KDM4C: variants seen among roughly 807,000 people sequenced by gnomAD.
KDM4C encodes lysine-specific demethylase 4C.
Under a neutral mutation model 129.3 loss-of-function variants are expected in KDM4C, and 81 were observed. The observed-to-expected ratio is 0.63, with a 90% CI of 0.52 to 0.75. KDM4C has a LOEUF of 0.75. Among genes scored for constraint, KDM4C ranks in the 30% least tolerant of loss-of-function variants. The pLI is 0.00. For synonymous variants in KDM4C, 573 were observed against 456.1 expected, an observed-to-expected ratio of 1.26 and a Z score of -3.26; for missense variants, 1,457 against 1,304.0, an observed-to-expected ratio of 1.12 and a Z score of -1.81.
Position 7,105,360 on chromosome 9 carries a change from A to G in KDM4C, c.2610+1490A>G, listed in dbSNP as rs150723850. On this transcript the variant is annotated intron_variant, in intron 18 of 21. Transcript: ENST00000381309. ...CTTATTTCTGAGCCTCAGCTTCCTC[A>G]TCTATAAAACATGGTATCCCACCTC... 2.0e-3 allele frequency: 897 copies of G among 449,836 alleles called. 9 individuals are homozygous for G. Among genetic ancestry groups the G allele is most frequent in the African/African-American group, 0.017 (849 of 49,580 alleles). The allele number at this position is 449,836 out of a possible 1,614,324, so 27.9% of individuals were successfully genotyped here.
At chr9:6,801,763 A>G (rs1829029908) in intron 2 of KDM4C, among the ~76,000 whole-genome samples, 1 of 152,068 alleles carries the variant, frequency 6.6e-6, no homozygotes, top group Non-Finnish European at 1.5e-5. Context: ...AAACCCAACA[A>G]TGCAATAGTA....
chr9:6,823,319 G>T (rs745669640), intron 4 of KDM4C, among the ~76,000 whole-genome samples: 1 of 152,158 alleles, frequency 6.6e-6, no homozygotes, highest in Non-Finnish European at 1.5e-5. Flanking sequence ...CACCAAAAGG[G>T]GGTAGCTTAT....
intron 17 of KDM4C, among the ~76,000 whole-genome samples, chr9:7,064,581 C>G (rs1832157416): frequency 6.6e-6 from 1 of 152,194 alleles, no homozygotes; most frequent in South Asian, 2.1e-4. Flanking sequence ...CTGGCATAAA[C>G]AGCTGGGTGA....
intron 5 of KDM4C, among the ~76,000 whole-genome samples, chr9:6,858,650 G>A (rs1840344052): frequency 6.6e-6 from 1 of 152,040 alleles, no homozygotes; most frequent in African/African-American, 2.4e-5. Flanking sequence ...ACGTGCGCCT[G>A]TAATCCCAGC....
At chr9:6,854,525 CAA>C (rs1177446839) in intron 5 of KDM4C, among the ~76,000 whole-genome samples, 7 of 41,382 alleles carry the variant, frequency 1.7e-4, no homozygotes, top group African/African-American at 7.3e-4. Flanking sequence ...AACTCCGTCT[CAA>C]AAAAAAAAAA....
rs139297103 is a variant in KDM4C, at chr9:7,004,269, C to A, written c.1787-7429C>A. 3.5e-3 allele frequency among the ~76,000 whole-genome samples: 527 copies of A among 152,336 alleles called. 3 individuals carry two copies. The highest frequency in any genetic ancestry group is 0.011 in the African/African-American group (445 of 41,572). On this transcript the variant is annotated intron_variant, in intron 12 of 21. Coordinates refer to ENST00000381309, the MANE Select transcript of KDM4C (RefSeq NM_015061.6). ...TACTGTCCTGAGTGAGTGAACGAAT[C>A]TGGCAAAAATCTGTTCTTAAGGCAA... is the stretch of plus-strand genomic sequence containing the variant.
At chr9:6,751,821 T>A (rs1222064168) in intron 1 of KDM4C, among the ~76,000 whole-genome samples, 1 of 152,052 alleles carries the variant, frequency 6.6e-6, no homozygotes, top group African/African-American at 2.4e-5. Flanking sequence ...CTGGAAGAAT[T>A]TGAGTAGAAA....
intron 2 of KDM4C, among the ~76,000 whole-genome samples, chr9:6,796,245 G>C (rs1052462114): frequency 1.2e-4 from 18 of 152,112 alleles, no homozygotes; most frequent in African/African-American, 4.3e-4. Flanking sequence ...AGGAGTTCGA[G>C]ACCAGCCTGG....
intron 1 of KDM4C, among the ~76,000 whole-genome samples, chr9:6,744,308 G>A (rs944851139): frequency 3.9e-5 from 6 of 152,058 alleles, no homozygotes; most frequent in East Asian, 1.9e-4. Context: ...GGCAGATCAC[G>A]AGGTTAAGAG....
chr9:7,066,300 C>A (rs150333773), intron 17 of KDM4C, among the ~76,000 whole-genome samples: 1 of 152,134 alleles, frequency 6.6e-6, no homozygotes, highest in Non-Finnish European at 1.5e-5. Flanking sequence ...ATGGTATCCC[C>A]CTCTCCACCC....
chr9:7,064,583 G>A (rs1832157757), intron 17 of KDM4C, among the ~76,000 whole-genome samples: 1 of 152,224 alleles, frequency 6.6e-6, no homozygotes, highest in Admixed American at 6.5e-5. Context: ...GGCATAAACA[G>A]CTGGGTGATT....
chr9:6,845,909 T>A (rs774317527), intron 4 of KDM4C, among the ~76,000 whole-genome samples: 1 of 152,216 alleles, frequency 6.6e-6, no homozygotes, highest in African/African-American at 2.4e-5. Context: ...TGCTGAAACC[T>A]GATGGAATTA....
intron 8 of KDM4C, among the ~76,000 whole-genome samples, chr9:6,896,144 G>A (rs1349672665): frequency 6.6e-6 from 1 of 152,158 alleles, no homozygotes; most frequent in African/African-American, 2.4e-5. Flanking sequence ...GTAGTGAATT[G>A]CACTAAAAAG....
chr9:6,904,483 A>G (rs1011999983), intron 8 of KDM4C, among the ~76,000 whole-genome samples: 1 of 151,810 alleles, frequency 6.6e-6, no homozygotes, highest in Non-Finnish European at 1.5e-5. Flanking sequence ...TTGTTAACAA[A>G]TCAGAATGTT....
At chr9:6,848,286 G>C (rs1331581689) in intron 4 of KDM4C, among the ~76,000 whole-genome samples, 2 of 152,194 alleles carry the variant, frequency 1.3e-5, no homozygotes, top group Non-Finnish European at 2.9e-5. Flanking sequence ...AACATGCCTA[G>C]TCTCTGATAT....
At chr9:7,004,448 T>C (rs1821287027) in intron 12 of KDM4C, among the ~76,000 whole-genome samples, 1 of 152,232 alleles carries the variant, frequency 6.6e-6, no homozygotes, top group Admixed American at 6.5e-5. Flanking sequence ...ATGTTCCCTA[T>C]ACATGGTTTT....
At chr9:6,980,525 C>A in intron 8 of KDM4C, among the ~76,000 whole-genome samples, 1 of 152,096 alleles carries the variant, frequency 6.6e-6, no homozygotes, top group East Asian at 1.9e-4. Flanking sequence ...GTATTCTAAT[C>A]ACACATTCAT....
At chr9:6,795,731 G>C (rs745864495) in intron 2 of KDM4C, among the ~76,000 whole-genome samples, 4 of 151,730 alleles carry the variant, frequency 2.6e-5, no homozygotes, top group Non-Finnish European at 5.9e-5. Context: ...GAGTGCAGTG[G>C]CATGATATTG....
chr9:6,737,579 G>A (rs891657620), intron 1 of KDM4C, among the ~76,000 whole-genome samples: 1 of 146,704 alleles, frequency 6.8e-6, no homozygotes, highest in Non-Finnish European at 1.5e-5. Flanking sequence ...CAGGAGAATC[G>A]CTTGAACCCG....
Sources: allele counts gnomAD v4.1 joint callset (sites outside exome capture counted in the v4.1 genomes callset), GRCh38; gene constraint gnomAD v4.1.1; transcripts MANE v1.5; gene names NCBI Gene and HGNC (gene_info 2026-07-23, HGNC 2026-07-21).